Variants in ZFPM2 observed in about 807,000 individuals in gnomAD.
ZFPM2 encodes the protein zinc finger protein ZFPM2.
In ZFPM2, 20 loss-of-function variants were observed where a neutral mutation model predicts 98.6. That is an observed-to-expected ratio of 0.20 (90% CI 0.14 to 0.29). The LOEUF is 0.29. ZFPM2 is among the 10% of genes least tolerant of loss of function. ZFPM2 has a pLI of 1.00. For synonymous variants in ZFPM2, 518 were observed against 502.7 expected (o/e 1.03, Z -0.41); for missense variants, 1,310 against 1,388.6 (o/e 0.94, Z 0.90).
intron 3 of ZFPM2, among the ~76,000 whole-genome samples, chr8:105,529,147 G>A (rs1008828825): frequency 6.6e-6 from 1 of 152,108 alleles, no homozygotes; most frequent in African/African-American, 2.4e-5. Flanking sequence ...AGATGGCCAT[G>A]TTCTTCTGAT....
intron 5 of ZFPM2, among the ~76,000 whole-genome samples, chr8:105,658,413 C>T (rs1378705199): frequency 1.6e-5 from 1 of 64,318 alleles, no homozygotes; most frequent in Non-Finnish European, 3.1e-5. Flanking sequence ...ACGGTGAAAC[C>T]CCGTCTCTAC....
chr8:105,524,930 T>G (rs1278005862), intron 3 of ZFPM2, among the ~76,000 whole-genome samples: 1 of 152,172 alleles, frequency 6.6e-6, no homozygotes, highest in African/African-American at 2.4e-5. Flanking sequence ...TTATAAATGA[T>G]GCATTTTGTT....
intron 5 of ZFPM2, among the ~76,000 whole-genome samples, chr8:105,746,760 A>T (rs1812358831): frequency 6.6e-6 from 1 of 151,104 alleles, no homozygotes; most frequent in African/African-American, 2.4e-5. Flanking sequence ...TAAGTGAAAA[A>T]CAGTTGCCTC....
intron 1 of ZFPM2, among the ~76,000 whole-genome samples, chr8:105,374,045 A>G (rs1810674839): frequency 6.6e-6 from 1 of 152,162 alleles, no homozygotes. Flanking sequence ...TAATATATAA[A>G]TGGAACTCTT....
chr8:105,330,595 CATATATAT>C (rs10550161), intron 1 of ZFPM2, among the ~76,000 whole-genome samples: 1 of 88,232 alleles, frequency 1.1e-5, no homozygotes, highest in Non-Finnish European at 2.2e-5. Context: ...TATATATATA[CATATATAT>C]ATATATACAC....
intron 3 of ZFPM2, among the ~76,000 whole-genome samples, chr8:105,494,824 T>A (rs1813428410): frequency 6.6e-6 from 1 of 152,130 alleles, no homozygotes; most frequent in Admixed American, 6.6e-5. Flanking sequence ...ATATAGCAAA[T>A]ATTTTAGGTT....
chr8:105,386,692 C>T (rs572602131), intron 1 of ZFPM2, among the ~76,000 whole-genome samples: 1 of 152,284 alleles, frequency 6.6e-6, no homozygotes, highest in East Asian at 1.9e-4. Context: ...CAGCAGGTTG[C>T]CACTGCTGGC....
chr8:105,731,274 A>C (rs1399970947), intron 5 of ZFPM2, among the ~76,000 whole-genome samples: 1 of 151,284 alleles, frequency 6.6e-6, no homozygotes, highest in East Asian at 2.0e-4. Context: ...TTTCCACTCC[A>C]TGCCAAATCC....
At chr8:105,546,452 C>T (rs886971310) in intron 3 of ZFPM2, among the ~76,000 whole-genome samples, 4 of 151,542 alleles carry the variant, frequency 2.6e-5, no homozygotes, top group African/African-American at 9.7e-5. Flanking sequence ...GCCTGTAATC[C>T]CAGCTACTCA....
At chr8:105,796,219 A>AACCTGAATTTGAGGCAAAAGAATTTT (rs1813808435) in intron 6 of ZFPM2, among the ~76,000 whole-genome samples, 1 of 152,216 alleles carries the variant, frequency 6.6e-6, no homozygotes, top group Admixed American at 6.5e-5. Context: ...AACATGGCCC[A>AACCTGAATTTGAGGCAAAAGAATTTT]ACCTGAATTT....
chr8:105,455,922 A>G (rs1021294635), intron 3 of ZFPM2, among the ~76,000 whole-genome samples: 4 of 152,128 alleles, frequency 2.6e-5, no homozygotes, highest in Non-Finnish European at 5.9e-5. Flanking sequence ...TGGGGTAGAG[A>G]TAGAAATTGG....
intron 5 of ZFPM2, among the ~76,000 whole-genome samples, chr8:105,762,961 C>T (rs1812766582): frequency 6.7e-6 from 1 of 149,842 alleles, no homozygotes; most frequent in African/African-American, 2.5e-5. Flanking sequence ...TCAAATTTGT[C>T]TAAATAGATG....
chr8:105,488,304 A>G (rs1489135047), intron 3 of ZFPM2, among the ~76,000 whole-genome samples: 3 of 152,228 alleles, frequency 2.0e-5, no homozygotes, highest in Non-Finnish European at 4.4e-5. Context: ...GGAAGAATCT[A>G]GCTTCATTCC....
chr8:105,377,221 T>C (rs78562927), intron 1 of ZFPM2, among the ~76,000 whole-genome samples: 3,218 of 152,308 alleles, frequency 0.021, 101 homozygotes, highest in African/African-American at 0.073. Context: ...CACCTCATCA[T>C]AGTAGCCTGT....
intron 1 of ZFPM2, among the ~76,000 whole-genome samples, chr8:105,329,969 T>A (rs1356219279): frequency 6.6e-6 from 1 of 151,788 alleles, no homozygotes; most frequent in African/African-American, 2.4e-5. Flanking sequence ...ATTTGCTTGT[T>A]TTTTTGCTAT....
chr8:105,515,256 A>G (rs1442708318), intron 3 of ZFPM2, among the ~76,000 whole-genome samples: 1 of 152,240 alleles, frequency 6.6e-6, no homozygotes, highest in Non-Finnish European at 1.5e-5. Context: ...TTCTCATGCA[A>G]ATATTGCTTG....
intron 3 of ZFPM2, among the ~76,000 whole-genome samples, chr8:105,523,007 G>T (rs1814095633): frequency 2.0e-5 from 3 of 152,158 alleles, no homozygotes; most frequent in African/African-American, 7.2e-5. Flanking sequence ...TGGTCTGATA[G>T]AATTAAATGC....
intron 4 of ZFPM2, among the ~76,000 whole-genome samples, chr8:105,561,950 C>T (rs1357852862): frequency 1.3e-5 from 2 of 151,936 alleles, no homozygotes; most frequent in African/African-American, 2.4e-5. Context: ...TGTAAAAGTT[C>T]TGAGAACAGA....
intron 5 of ZFPM2, among the ~76,000 whole-genome samples, chr8:105,728,704 C>A (rs989060640): frequency 6.6e-6 from 1 of 151,708 alleles, no homozygotes; most frequent in Admixed American, 6.6e-5. Flanking sequence ...AGACTTCTTG[C>A]ATAATTCATT....
Sources: gnomAD v4.1 joint callset for allele counts (sites outside exome capture counted in the v4.1 genomes callset) on GRCh38, gnomAD v4.1.1 for gene constraint, MANE v1.5 for transcripts, NCBI Gene and HGNC (gene_info 2026-07-23, HGNC 2026-07-21) for gene names.